The following TCERG1L variants were observed in gnomAD, a reference collection of about 807,000 sequenced individuals.
TCERG1L encodes the protein transcription elongation regulator 1 like.
A neutral mutation model predicts 56.3 loss-of-function variants in TCERG1L; 37 were observed. The ratio of observed to expected loss-of-function variants is 0.66; its 90% confidence interval spans 0.51 to 0.87. The LOEUF (loss-of-function observed/expected upper bound fraction) is 0.87, where lower values mean the gene tolerates loss of function less well. Ranked by LOEUF, TCERG1L falls within the 40% of genes least tolerant of loss-of-function variation. The pLI, the probability that TCERG1L is intolerant of heterozygous loss-of-function variation, is 0.00. For synonymous variants in TCERG1L, 324 were observed against 326.3 expected, an observed-to-expected ratio of 0.99 and a Z score of 0.08; for missense variants, 799 against 774.2, an observed-to-expected ratio of 1.03 and a Z score of -0.38.
intron 3 of TCERG1L, among the ~76,000 whole-genome samples, chr10:131,278,338 CTT>C (rs755934156): frequency 1.4e-4 from 19 of 137,046 alleles, no homozygotes; most frequent in Non-Finnish European, 1.6e-4. Context: ...TTTCTTTTTT[CTT>C]TTTTTTTTTT....
intron 3 of TCERG1L, among the ~76,000 whole-genome samples, chr10:131,307,517 C>T (rs113901307): frequency 4.6e-5 from 7 of 152,036 alleles, no homozygotes; most frequent in Non-Finnish European, 7.4e-5. Context: ...AGGTGTTGCA[C>T]GACAATTTTG....
intron 4 of TCERG1L, among the ~76,000 whole-genome samples, chr10:131,224,802 T>A (rs1845775036): frequency 6.9e-6 from 1 of 145,564 alleles, no homozygotes; most frequent in Non-Finnish European, 1.5e-5. Context: ...ACTGACAATC[T>A]GTGGAAATGA....
intron 4 of TCERG1L, among the ~76,000 whole-genome samples, chr10:131,250,708 T>C (rs1375284484): frequency 2.0e-5 from 3 of 152,152 alleles, no homozygotes; most frequent in Non-Finnish European, 4.4e-5. Flanking sequence ...CTCTTCCTCC[T>C]AGCCCGGGAG....
Position 131,260,581 on chromosome 10 carries a change from C to T in TCERG1L, c.671-137G>A, listed in dbSNP as rs1002089946. On this transcript the variant is annotated intron_variant, in intron 3 of 11. Transcript: ENST00000368642. The surrounding 1 kb of genome is among the most constrained non-coding windows in gnomAD (Gnocchi z 5.8). Reference sequence around the variant, plus strand: ...GCTACCCCTCTTTAATGGAGGCCCACAGTATGTGCCACCGTCCGCAGAACA... The same window carrying T: ...GCTACCCCTCTTTAATGGAGGCCCATAGTATGTGCCACCGTCCGCAGAACA... 4 of 1,086,886 alleles carry T rather than the reference C, an allele frequency of 3.7e-6. No homozygotes were observed. Among genetic ancestry groups the T allele is most frequent in the African/African-American group, 1.7e-5 (1 of 60,558 alleles). The allele number at this position is 1,086,886 out of a possible 1,614,324, so 67.3% of individuals were successfully genotyped here.
intron 3 of TCERG1L, among the ~76,000 whole-genome samples, chr10:131,262,036 G>A (rs1448529641): frequency 2.0e-5 from 3 of 152,236 alleles, no homozygotes; most frequent in Non-Finnish European, 4.4e-5. Context: ...ATGAGGTGCA[G>A]TGTTCGAGGC....
At chr10:131,204,469 C>T (rs1795838856) in intron 4 of TCERG1L, among the ~76,000 whole-genome samples, 1 of 151,758 alleles carries the variant, frequency 6.6e-6, no homozygotes, top group Non-Finnish European at 1.5e-5. Flanking sequence ...AGGATGAGTC[C>T]ATCCACCCCA....
chr10:131,170,757 C>T (rs1183524617), intron 4 of TCERG1L, among the ~76,000 whole-genome samples: 1 of 152,216 alleles, frequency 6.6e-6, no homozygotes, highest in Non-Finnish European at 1.5e-5. Context: ...CTCTCCTCCT[C>T]TCTCAAAGGG....
intron 4 of TCERG1L, among the ~76,000 whole-genome samples, chr10:131,205,166 A>C (rs1845504243): frequency 6.6e-6 from 1 of 152,182 alleles, no homozygotes; most frequent in Non-Finnish European, 1.5e-5. Flanking sequence ...CCCCTTAAAA[A>C]GGGAAAAAGA....
At chr10:131,252,039 T>C (rs1314706480) in intron 4 of TCERG1L, among the ~76,000 whole-genome samples, 1 of 152,240 alleles carries the variant, frequency 6.6e-6, no homozygotes, top group Non-Finnish European at 1.5e-5. Context: ...CTTGTTTCAC[T>C]GACCATCGTG....
intron 7 of TCERG1L, among the ~76,000 whole-genome samples, chr10:131,141,195 C>A (rs1374173530): frequency 6.6e-6 from 1 of 152,148 alleles, no homozygotes; most frequent in Non-Finnish European, 1.5e-5. Flanking sequence ...CTTGGAAATG[C>A]CACACCACGG....
chr10:131,245,819 G>A (rs978466381), intron 4 of TCERG1L, among the ~76,000 whole-genome samples: 17 of 152,228 alleles, frequency 1.1e-4, no homozygotes, highest in Admixed American at 9.8e-4. Flanking sequence ...GAGCTCTGTG[G>A]GGTGGGCTGC....
Position 131,183,418 on chromosome 10 carries a change from G to T in TCERG1L, c.857-16533C>A, listed in dbSNP as rs183821152. 4.1e-3 allele frequency among the ~76,000 whole-genome samples: 620 copies of T among 152,240 alleles called. 2 individuals carry two copies. Among genetic ancestry groups the T allele is most frequent in the African/African-American group, 0.014 (597 of 41,534 alleles). ...ATTTACCTTTTCCCATTTCTATTGA[G>T]CTACCTATCAAATGGGCCAGCCTTT... On this transcript the variant is annotated intron_variant, in intron 4 of 11. Transcript: ENST00000368642.
chr10:131,130,086 A>AT (rs1353757182), intron 8 of TCERG1L, among the ~76,000 whole-genome samples: 3,140 of 141,832 alleles, frequency 0.022, 47 homozygotes, highest in Middle Eastern at 0.057. Flanking sequence ...TGGGTGATTT[A>AT]TAAAAAAAAA....
chr10:131,226,751 C>T (rs571461641), intron 4 of TCERG1L, among the ~76,000 whole-genome samples: 82 of 152,368 alleles, frequency 5.4e-4, no homozygotes, highest in African/African-American at 1.9e-3. Flanking sequence ...TGTAAACGCC[C>T]AACCAACAAA....
At chr10:131,285,512 GAAAGAAAGAAAGAGAGAAAGAA>G (rs1262462421) in intron 3 of TCERG1L, among the ~76,000 whole-genome samples, 2 of 16,544 alleles carry the variant, frequency 1.2e-4, no homozygotes, top group Non-Finnish European at 4.6e-4. Context: ...AAGAAAGAAA[GAAAGAAAGAAAGAGAGAAAGAA>G]AAGAAAAGAA....
intron 3 of TCERG1L, among the ~76,000 whole-genome samples, chr10:131,299,780 A>C (rs556746802): frequency 1.1e-4 from 16 of 152,256 alleles, no homozygotes; most frequent in Admixed American, 9.8e-4. Context: ...TATAGCACAT[A>C]ATGTATAGTA....
chr10:131,100,858 C>G (rs913850498), intron 10 of TCERG1L, among the ~76,000 whole-genome samples: 4 of 152,178 alleles, frequency 2.6e-5, no homozygotes, highest in African/African-American at 9.7e-5. Flanking sequence ...TCTTTCCATC[C>G]CATTCCTCAT....
At chr10:131,241,635 C>T (rs1486314777) in intron 4 of TCERG1L, among the ~76,000 whole-genome samples, 3 of 147,704 alleles carry the variant, frequency 2.0e-5, no homozygotes, top group African/African-American at 5.0e-5. Context: ...CAGTGGATAG[C>T]GCAATATAAA....
intron 4 of TCERG1L, among the ~76,000 whole-genome samples, chr10:131,250,875 T>C (rs1846102787): frequency 6.6e-6 from 1 of 152,126 alleles, no homozygotes; most frequent in African/African-American, 2.4e-5. Flanking sequence ...CCAAGCCACA[T>C]TCCTCTTTCT....
Sources: allele counts gnomAD v4.1 joint callset (sites outside exome capture counted in the v4.1 genomes callset), GRCh38; gene constraint gnomAD v4.1.1; non-coding constraint Gnocchi (gnomAD v3.1); transcripts MANE v1.5; gene names NCBI Gene and HGNC (gene_info 2026-07-23, HGNC 2026-07-21).